The following MUC5B variants were observed in gnomAD, a reference collection of about 807,000 sequenced individuals.
MUC5B encodes the protein mucin-5B.
MUC5B carries 116 observed loss-of-function variants against 376.9 expected under a neutral mutation model. The ratio of observed to expected loss-of-function variants is 0.31; its 90% confidence interval spans 0.26 to 0.36. MUC5B has a LOEUF of 0.36. MUC5B is among the 10% of genes least tolerant of loss of function. The pLI is 1.00. For missense variants in MUC5B, 7,165 were observed against 7,769.9 expected, an observed-to-expected ratio of 0.92 and a Z score of 2.93; for synonymous variants, 3,517 against 3,390.9, an observed-to-expected ratio of 1.04 and a Z score of -1.29.
chr11:1,243,327 C>A lies in MUC5B; in HGVS notation c.6447C>A (p.Pro2149=), dbSNP rs368051074. The A allele has an allele frequency of 2.2e-4, 339 of 1,557,318 alleles. 3 individuals are homozygous for A. Among genetic ancestry groups the A allele is most frequent in the Non-Finnish European group, 2.7e-4 (307 of 1,150,610 alleles). ...CGGCCACCGGCTCCACCACCAACCCCTCCTCAACTCCTGGGACAACTCCCA... is the reference window on the plus strand; with the variant it reads ...CGGCCACCGGCTCCACCACCAACCCATCCTCAACTCCTGGGACAACTCCCA... The part of the protein sequence containing the change: ...TITATGSTTN[P]SSTPGTTPIP... The change falls in exon 31 of 49, where the codon CCC becomes CCA. Residue 2149 remains proline, a synonymous_variant. Transcript: ENST00000529681.
Position 1,225,691 on chromosome 11 carries a change from C to A in MUC5B, c.81C>A (p.Gly27=), listed in dbSNP as rs369161850. The A allele has an allele frequency of 1.2e-6, 2 of 1,603,522 alleles. No homozygotes were observed. Among genetic ancestry groups the A allele is most frequent in the Non-Finnish European group, 1.7e-6 (2 of 1,175,822 alleles). Residue 27 remains glycine, a synonymous_variant, in exon 2 of 49, where the codon GGC becomes GGA. Coordinates refer to ENST00000529681, the MANE Select transcript of MUC5B (RefSeq NM_002458.3). ...MLVVPQAETQ[G]PVEPSWENAG... is the part of the protein sequence containing the mutation. ...TCCCTCTTCCCACAGAGACCCAGGG[C>A]CCTGTGGAGCCGAGCTGGGAGAATG...
rs1349016340 is a variant in MUC5B, at chr11:1,246,896, C to T, written c.10016C>T (p.Thr3339Ile). ...TPPVWISTTT[T>I]PTTRGSTVTP... ...CCAGTGTGGATCAGCACAACCACCA[C>T]ACCCACAACCAGAGGCTCCACGGTG... is the stretch of plus-strand genomic sequence containing the variant. The change falls in exon 31 of 49, where the codon ACA becomes ATA. Residue 3339 changes from threonine to isoleucine, a missense_variant. Around this residue, in one of 31 missense-constraint regions of MUC5B, gnomAD observed 939 missense variants for 770.6 expected, o/e 1.22. Coordinates refer to ENST00000529681, the MANE Select transcript of MUC5B (RefSeq NM_002458.3). The T allele has an allele frequency of 6.2e-7, 1 of 1,610,942 alleles. No homozygotes were observed. The highest frequency in any genetic ancestry group is 1.7e-5 in the Admixed American group (1 of 59,936).
At position 1,228,787 on chromosome 11, in the gene MUC5B, G is replaced by A. The variant is rs771218858; in HGVS notation, c.976+22G>A. ...TGCCGTGAGTGCTCCCAGGGCCTTC[G>A]CCAGGGATTGTGCCAGAGAGAAGGG... On this transcript the variant is annotated intron_variant, in intron 8 of 48. Coordinates refer to ENST00000529681, the MANE Select transcript of MUC5B (RefSeq NM_002458.3). 1.4e-5 allele frequency: 19 copies of A among 1,323,060 alleles called. No homozygotes were observed. The African/African-American group carries it at 1.9e-4, about 14-fold the overall frequency. The allele number at this position is 1,323,060 out of a possible 1,614,324, so 82.0% of individuals were successfully genotyped here. A position where few individuals can be genotyped will look rare whatever the true frequency, so the allele number is the denominator to read the frequency against.
At position 1,241,584 on chromosome 11, in the gene MUC5B, T is replaced by G. The variant is rs1308831860; in HGVS notation, c.4704T>G (p.Cys1568Trp). ...CACAGGTGGGGCAGAAGGTGCACTGTGACGTCCACTTCGGCCTGGTGTGCA... is the reference window on the plus strand; with the variant it reads ...CACAGGTGGGGCAGAAGGTGCACTGGGACGTCCACTTCGGCCTGGTGTGCA... The part of the protein sequence containing the change: ...TLAQVGQKVH[C>W]DVHFGLVCRN... The change falls in exon 31 of 49, where the codon TGT (cysteine) becomes TGG (tryptophan). Residue 1568 changes from cysteine to tryptophan, a missense_variant. Cys to Trp is a radical substitution (Grantham distance 215, BLOSUM62 -2). This residue lies in a region of MUC5B where 25 missense variants were observed against 46.5 expected (regional missense o/e 0.54). Coordinates refer to ENST00000529681, the MANE Select transcript of MUC5B (RefSeq NM_002458.3). 1 of 1,612,168 alleles carries G rather than the reference T, an allele frequency of 6.2e-7. No homozygotes were observed.
chr11:1,247,808 T>C lies in MUC5B; in HGVS notation c.10928T>C (p.Val3643Ala). The stretch of plus-strand genomic sequence containing the variant: ...GAATGCAGCCTGGACTTTGGCCTGG[T>C]CTGCAGGAACCGTGAGCAGGTGGGG... The part of the protein sequence containing the change: ...VVECSLDFGL[V>A]CRNREQVGKF... Residue 3643 changes from valine to alanine, a missense_variant, in exon 31 of 49, where the codon GTC becomes GCC. Physicochemically the swap from Val to Ala is moderately conservative, Grantham distance 64. This residue lies in a region of MUC5B where 81 missense variants were observed against 154.5 expected (regional missense o/e 0.52). Coordinates refer to ENST00000529681, the MANE Select transcript of MUC5B (RefSeq NM_002458.3). 1.2e-6 allele frequency: 2 copies of C among 1,608,034 alleles called. No individual in the cohort carries two copies. Among genetic ancestry groups the C allele is most frequent in the Non-Finnish European group, 1.7e-6 (2 of 1,177,828 alleles).
rs1370663069 is a variant in MUC5B, at chr11:1,246,038, T to G, written c.9158T>G (p.Val3053Gly). 6.2e-7 allele frequency: 1 copy of G among 1,610,188 alleles called. No homozygotes were observed. The highest frequency in any genetic ancestry group is 8.5e-7 in the Non-Finnish European group (1 of 1,178,538). Residue 3053 changes from valine (V) to glycine (G), a missense_variant, in exon 31 of 49, where the codon GTG becomes GGG. This residue lies in a region of MUC5B where 939 missense variants were observed against 770.6 expected (regional missense o/e 1.22). Transcript: ENST00000529681. Reference protein sequence around the residue: ...SSPRTATTLPVLTSTATKSTA... With the variant: ...SSPRTATTLPGLTSTATKSTA... ...CCAAGGACTGCAACCACCCTTCCAG[T>G]GCTGACAAGCACAGCCACCAAATCC...
Position 1,245,346 on chromosome 11 carries a change from C to G in MUC5B, c.8466C>G (p.Pro2822=), listed in dbSNP as rs756132152. The G allele has an allele frequency of 1.3e-6, 2 of 1,595,444 alleles. No homozygotes were observed. The highest frequency in any genetic ancestry group is 8.5e-7 in the Non-Finnish European group (1 of 1,171,166). ...CTAGCAGCAGGACCACCGAGTCACC[C>G]CCTTCTCCAGGGACGACCACCCCGG... is the stretch of plus-strand genomic sequence containing the variant. ...PHPSSRTTES[P]PSPGTTTPGH... is the part of the protein sequence containing the mutation. Residue 2822 remains proline (P), a synonymous_variant, in exon 31 of 49, where the codon CCC becomes CCG. Transcript: ENST00000529681.
chr11:1,228,722 C>T lies in MUC5B; in HGVS notation c.933C>T (p.His311=), dbSNP rs145446448. Residue 311 remains histidine, a synonymous_variant, in exon 8 of 49, where the codon CAC becomes CAT. Coordinates refer to ENST00000529681, the MANE Select transcript of MUC5B (RefSeq NM_002458.3). ...TFVEYSRQCA[H]AGGQPRNWRC... ...TGGAATACTCACGCCAGTGCGCCCA[C>T]GCGGGGGGCCAGCCGCGGAACTGGA... 5.1e-3 allele frequency: 7,817 copies of T among 1,524,960 alleles called. 35 individuals are homozygous for T. The highest frequency in any genetic ancestry group is 0.011 in the African/African-American group (828 of 72,916). 94.5% of individuals were successfully genotyped at this position (1,524,960 alleles called of 1,614,324 possible).
At chr11:1,239,090 G>C (rs1359738325) in intron 26 of MUC5B, 63 bp downstream of exon 26, 1 of 1,533,492 alleles carries the variant, frequency 6.5e-7, no homozygotes, top group Non-Finnish European at 8.8e-7. Flanking sequence ...AGGAGGTGTG[G>C]CAGCCTCCGA....
chr11:1,247,206 C>A lies in MUC5B; in HGVS notation c.10326C>A (p.Thr3442=). ...CTCCCTCCTCTGCCCTAGGGACCAC[C>A]CACACACCCCCAGTGCCGAACACCA... The part of the protein sequence containing the change: ...TVTPSSALGT[T]HTPPVPNTTA... The change falls in exon 31 of 49, where the codon ACC becomes ACA. Residue 3442 remains threonine, a synonymous_variant. Transcript: ENST00000529681. The A allele has an allele frequency of 6.4e-7, 1 of 1,568,874 alleles. No homozygotes were observed. The highest frequency in any genetic ancestry group is 1.1e-5 in the South Asian group (1 of 90,230).
intron 9 of MUC5B, 136 bp downstream of exon 9, chr11:1,229,431 C>A: frequency 8.8e-7 from 1 of 1,139,220 alleles, no homozygotes; most frequent in Non-Finnish European, 1.2e-6. Flanking sequence ...GTGGGAAGGG[C>A]ACTGGCTGGG....
chr11:1,260,764 G>A (rs367895456), intron 48 of MUC5B, 36 bp downstream of exon 48: 1 of 1,502,164 alleles, frequency 6.7e-7, no homozygotes, highest in Non-Finnish European at 9.2e-7. Context: ...AAGAGCACCT[G>A]CGTGTGGTGG....
rs776495807 is a variant in MUC5B, at chr11:1,233,804, G to A, written c.2333G>A (p.Gly778Asp). The change falls in exon 19 of 49, where the codon GGT becomes GAT. Residue 778 changes from glycine (G) to aspartate (D), a missense_variant. By Grantham distance (94) the Gly-to-Asp change is moderately conservative. This residue lies in a region of MUC5B where 530 missense variants were observed against 604.0 expected (regional missense o/e 0.88). Transcript: ENST00000529681. The part of the protein sequence containing the change: ...HDEGAVCSCT[G>D]GKLSCLGASL... ...TCTGTCTCTTGTAGTTCATGTACGG[G>A]TGGGAAGCTAAGCTGCCTGGGAGCC... 2.1e-5 allele frequency: 33 copies of A among 1,605,622 alleles called. 1 individual carries two copies. The Middle Eastern group carries it at 1.5e-3, about 74-fold the overall frequency.
rs773224216 is a variant in MUC5B, at chr11:1,223,117, C to T, written c.-7C>T. 2.7e-5 allele frequency: 19 copies of T among 702,648 alleles called. No homozygotes were observed. Among genetic ancestry groups the T allele is most frequent in the South Asian group, 2.5e-4 (17 of 67,282 alleles). 43.5% of individuals were successfully genotyped at this position (702,648 alleles called of 1,614,324 possible). ...TCCCCGTCCCCCCACCCGTGCCAGC[C>T]CCCAGGATGGGTGCCCCGAGCGCGT... On this transcript the variant is annotated 5_prime_UTR_variant, in exon 1 of 49. Transcript: ENST00000529681.
chr11:1,224,218 G>A (rs1286603161), intron 1 of MUC5B, among the ~76,000 whole-genome samples: 2 of 152,218 alleles, frequency 1.3e-5, no homozygotes, highest in African/African-American at 2.4e-5. Flanking sequence ...CTCCACGCAC[G>A]TCCAAGTTGG....
chr11:1,244,800 C>T lies in MUC5B; in HGVS notation c.7920C>T (p.Pro2640=). ...TGTGGATCAGCACAACCACCACACC[C>T]ACAACCAGAGGTTCCACGGTGACCC... ...LPVWISTTTT[P]TTRGSTVTPS... The change falls in exon 31 of 49, where the codon CCC becomes CCT. Residue 2640 remains proline (P), a synonymous_variant. Transcript: ENST00000529681. 6.2e-7 allele frequency: 1 copy of T among 1,613,502 alleles called. No individual in the cohort carries two copies.
Position 1,249,699 on chromosome 11 carries a change from G to C in MUC5B, c.12819G>C (p.Pro4273=), listed in dbSNP as rs774791553. ...CCACGGCCACCCCGTCCTCCACCCC[G>C]GGAACAGCTCCCCCTCCCAAAGTGC... ...TGSTATPSST[P]GTAPPPKVLT... The change falls in exon 31 of 49, where the codon CCG becomes CCC. Residue 4273 remains proline, a synonymous_variant. Coordinates refer to ENST00000529681, the MANE Select transcript of MUC5B (RefSeq NM_002458.3). 6.2e-7 allele frequency: 1 copy of C among 1,603,122 alleles called. No homozygotes were observed. Among genetic ancestry groups the C allele is most frequent in the East Asian group, 2.3e-5 (1 of 44,336 alleles).
chr11:1,251,174 C>T lies in MUC5B; in HGVS notation c.14294C>T (p.Pro4765Leu), dbSNP rs772023460. 2.5e-6 allele frequency: 4 copies of T among 1,611,210 alleles called. No individual in the cohort carries two copies. The Admixed American group carries it at 5.0e-5, about 20-fold the overall frequency. Residue 4765 changes from proline (P) to leucine (L), a missense_variant, in exon 31 of 49, where the codon CCA becomes CTA. Transcript: ENST00000529681. Reference sequence around the variant, plus strand: ...ACCCTGTGGACCACGTGGACCGTCCCAGCACAGACCACCACACCCATGTCC... The same window carrying T: ...ACCCTGTGGACCACGTGGACCGTCCTAGCACAGACCACCACACCCATGTCC... ...SSTLWTTWTV[P>L]AQTTTPMSTM...
At position 1,243,626 on chromosome 11, in the gene MUC5B, C is replaced by T. The variant is rs1464685039; in HGVS notation, c.6746C>T (p.Thr2249Ile). The T allele has an allele frequency of 6.2e-7, 1 of 1,610,692 alleles. No homozygotes were observed. The highest frequency in any genetic ancestry group is 1.1e-5 in the South Asian group (1 of 90,868). ...ACCACCGGTACCACCCAGCACTCGA[C>T]TCCAGCCCTTTCCAGCCCTCACCCT... ...AATTGTTQHS[T>I]PALSSPHPSS... Residue 2249 changes from threonine (T) to isoleucine (I), a missense_variant, in exon 31 of 49, where the codon ACT becomes ATT. By Grantham distance (89) the Thr-to-Ile change is moderately conservative (BLOSUM62 -1). Coordinates refer to ENST00000529681, the MANE Select transcript of MUC5B (RefSeq NM_002458.3).
Sources: allele counts gnomAD v4.1 joint callset (sites outside exome capture counted in the v4.1 genomes callset), GRCh38; gene constraint gnomAD v4.1.1; regional missense constraint gnomAD v4.1.1; transcripts MANE v1.5; gene names NCBI Gene and HGNC (gene_info 2026-07-23, HGNC 2026-07-21).